HPS5: variants seen among roughly 807,000 people sequenced by gnomAD.
HPS5 encodes the protein BLOC-2 complex member HPS5.
In HPS5, 83 loss-of-function variants were observed where a neutral mutation model predicts 128.0. The ratio of observed to expected loss-of-function variants is 0.65; its 90% CI spans 0.54 to 0.78. The LOEUF (loss-of-function observed/expected upper bound fraction) is 0.78, where lower values mean the gene tolerates loss of function less well. HPS5 is among the 30% of genes least tolerant of loss of function. The pLI, the probability that HPS5 is intolerant of heterozygous loss-of-function variation, is 0.00. For missense variants in HPS5, 1,281 were observed against 1,326.2 expected, an observed-to-expected ratio of 0.97 and a Z score of 0.53; for synonymous variants, 475 against 470.2, an observed-to-expected ratio of 1.01 and a Z score of -0.13.
chr11:18,302,887 A>G (rs1861897700), intron 8 of HPS5, among the ~76,000 whole-genome samples: 1 of 140,140 alleles, frequency 7.1e-6, no homozygotes, highest in South Asian at 2.3e-4. Flanking sequence ...TTGATACTGA[A>G]CCTGACATTC....
chr11:18,280,801 G>GT (rs1301869406), intron 22 of HPS5, among the ~76,000 whole-genome samples: 1 of 152,186 alleles, frequency 6.6e-6, no homozygotes, highest in Non-Finnish European at 1.5e-5. Flanking sequence ...AACGACAAAT[G>GT]TATTAATTCC....
chr11:18,291,940 C>G lies in HPS5; in HGVS notation c.1942G>C (p.Glu648Gln). Residue 648 changes from glutamate (E) to glutamine (Q), a missense_variant, in exon 16 of 23, where the codon GAA (glutamate) becomes CAA (glutamine). Transcript: ENST00000349215. ...AAGTCCTTCATGGCAAATGTTTTTT[C>G]TAAATGTGAAAGCCACTCCTGTAAA... ...MVLQEWLSHL[E>Q]KTFAMKDFSG... 2 of 1,607,360 alleles carry G rather than the reference C, an allele frequency of 1.2e-6. No individual in the cohort carries two copies. Among genetic ancestry groups the G allele is most frequent in the Non-Finnish European group, 1.7e-6 (2 of 1,178,440 alleles).
Position 18,308,927 on chromosome 11 carries a change from T to C in HPS5, c.611+19A>G, listed in dbSNP as rs753578025. On this transcript the variant is annotated intron_variant, in intron 6 of 22. Transcript: ENST00000349215. ...TCTAAAATTCTGCATTTCTGATGACTAATGGTTGGTCAATATACCTCTCAG... is the reference window on the plus strand; with the variant it reads ...TCTAAAATTCTGCATTTCTGATGACCAATGGTTGGTCAATATACCTCTCAG... 3.1e-6 allele frequency: 5 copies of C among 1,613,420 alleles called. No individual in the cohort carries two copies. Among genetic ancestry groups the C allele is most frequent in the Non-Finnish European group, 4.2e-6 (5 of 1,179,406 alleles).
At chr11:18,307,839 CAT>C (rs570169871) in intron 6 of HPS5, among the ~76,000 whole-genome samples, 29 of 152,112 alleles carry the variant, frequency 1.9e-4, no homozygotes, top group African/African-American at 6.5e-4. Context: ...TTATATTACA[CAT>C]GTCCCCAAAA....
At chr11:18,283,277 C>T (rs375907814) in intron 21 of HPS5, among the ~76,000 whole-genome samples, 8 of 148,370 alleles carry the variant, frequency 5.4e-5, no homozygotes, top group African/African-American at 1.7e-4. Context: ...GCTGGAATTA[C>T]AAGCGTGAGC....
chr11:18,287,848 A>T (rs201917415), intron 17 of HPS5, 45 bp downstream of exon 17: 1 of 1,613,204 alleles, frequency 6.2e-7, no homozygotes, highest in Non-Finnish European at 8.5e-7. Flanking sequence ...ACACAAAAAA[A>T]TGCATGTGCT....
At chr11:18,292,846 C>T (rs752041730) in intron 15 of HPS5, 53 bp downstream of exon 15, 43 of 1,288,438 alleles carry the variant, frequency 3.3e-5, no homozygotes, top group East Asian at 6.9e-5. Flanking sequence ...TGATTCACTT[C>T]GTTTACTAAA....
chr11:18,289,617 G>C (rs930255696), intron 16 of HPS5, among the ~76,000 whole-genome samples: 1 of 151,956 alleles, frequency 6.6e-6, no homozygotes, highest in Admixed American at 6.6e-5. Context: ...TGCTATATTT[G>C]AATTAAAGCA....
intron 14 of HPS5, 65 bp from the exon 15 acceptor site, chr11:18,293,041 A>T (rs1860623203): frequency 3.0e-5 from 25 of 832,646 alleles, no homozygotes; most frequent in Middle Eastern, 2.4e-4. Context: ...GCTTTTTTTG[A>T]GACAGGGTCT....
chr11:18,300,673 G>A (rs942999699), intron 9 of HPS5, among the ~76,000 whole-genome samples, 155 bp downstream of exon 9: 2 of 143,288 alleles, frequency 1.4e-5, no homozygotes, highest in Non-Finnish European at 3.0e-5. Flanking sequence ...CTCCAGCCTG[G>A]GTGACAGAGC....
chr11:18,284,678 G>GT (rs1485713912), intron 20 of HPS5, among the ~76,000 whole-genome samples: 5 of 152,094 alleles, frequency 3.3e-5, no homozygotes, highest in Admixed American at 6.6e-5. Flanking sequence ...GAACAAATAT[G>GT]TATCAAGTGC....
chr11:18,293,040 G>T (rs1590075901), intron 14 of HPS5, 64 bp from the exon 15 acceptor site: 33 of 782,508 alleles, frequency 4.2e-5, no homozygotes, highest in Middle Eastern at 2.6e-4. Context: ...AGCTTTTTTT[G>T]AGACAGGGTC....
intron 1 of HPS5, among the ~76,000 whole-genome samples, chr11:18,318,953 A>AT (rs140437419): frequency 0.14 from 20,974 of 151,888 alleles, 1,553 homozygotes; most frequent in African/African-American, 0.19. Flanking sequence ...CGAAGACTAT[A>AT]TTTTTTATTG....
rs1858594870 is a variant in HPS5 at position 18,279,413 on chromosome 11, T to C, written c.*469A>G. On this transcript the variant is annotated 3_prime_UTR_variant, in exon 23 of 23. Coordinates refer to ENST00000349215, the MANE Select transcript of HPS5 (RefSeq NM_181507.2). Reference sequence around the variant, plus strand: ...GTTAATTCCATTATACACCGTCTTATTTCAGTAATTTCCATATTGTGCCAG... The same window carrying C: ...GTTAATTCCATTATACACCGTCTTACTTCAGTAATTTCCATATTGTGCCAG... 1.7e-5 allele frequency: 3 copies of C among 171,932 alleles called. No individual in the cohort carries two copies. The highest frequency in any genetic ancestry group is 5.6e-5 in the Admixed American group (1 of 18,002). The allele number at this position is 171,932 out of a possible 1,614,324, so 10.7% of individuals were successfully genotyped here. A position where few individuals can be genotyped will look rare whatever the true frequency, so the allele number is the denominator to read the frequency against.
intron 7 of HPS5, 73 bp from the exon 8 acceptor site, chr11:18,305,566 T>C (rs545462806): frequency 3.5e-5 from 43 of 1,227,306 alleles, no homozygotes; most frequent in Non-Finnish European, 4.7e-5. Flanking sequence ...TTTCCCAATA[T>C]AGGGAAATTT....
chr11:18,317,442 G>A (rs888815883), intron 2 of HPS5, among the ~76,000 whole-genome samples: 17 of 151,910 alleles, frequency 1.1e-4, no homozygotes, highest in African/African-American at 3.6e-4. Flanking sequence ...TTTTAGTAGA[G>A]ACAAAGTTTC....
chr11:18,283,915 G>A lies in HPS5; in HGVS notation c.2952-14C>T, dbSNP rs377526569. 144 of 1,574,756 alleles carry A rather than the reference G, an allele frequency of 9.1e-5. No individual in the cohort carries two copies. Among genetic ancestry groups the A allele is most frequent in the Middle Eastern group, 1.7e-4 (1 of 6,000 alleles). On this transcript the variant is annotated splice_polypyrimidine_tract_variant and intron_variant, in intron 20 of 22. Transcript: ENST00000349215. ...CCAGGCCAGAAACTTTAAAGAGACC[G>A]AAGTTGAAGAAAGGAATAAAAGGCC...
chr11:18,307,358 T>C (rs1441164362), intron 6 of HPS5, among the ~76,000 whole-genome samples: 2 of 152,214 alleles, frequency 1.3e-5, no homozygotes, highest in Admixed American at 6.5e-5. Flanking sequence ...TAACATTTGC[T>C]TTACTTTAAG....
In HPS5 at chr11:18,305,181, A is replaced by C. The variant is rs897237491; in HGVS notation, c.896+241T>G. On this transcript the variant is annotated intron_variant, in intron 8 of 22. Transcript: ENST00000349215. ...CGGTTAGTAGAGCTATCTTAGCTCC[A>C]ATTGTTAGAAGTTTCTTGGCAATTA... Among the ~76,000 whole-genome samples the C allele has an allele frequency of 7.9e-5, 12 of 152,226 alleles. No individual in the cohort carries two copies. The East Asian group carries it at 2.1e-3, about 27-fold the overall frequency.
Sources: allele counts gnomAD v4.1 joint callset (sites outside exome capture counted in the v4.1 genomes callset), GRCh38; gene constraint gnomAD v4.1.1; transcripts MANE v1.5; gene names NCBI Gene and HGNC (gene_info 2026-07-23, HGNC 2026-07-21).